The following PLXDC2 variants were observed in gnomAD, a reference collection of about 807,000 sequenced individuals.
PLXDC2 encodes plexin domain-containing protein 2.
In PLXDC2, 40 loss-of-function variants were observed where a neutral mutation model predicts 68.9. That is an observed-to-expected ratio of 0.58 (90% confidence interval 0.45 to 0.76). The LOEUF is 0.76. PLXDC2 is among the 30% of genes least tolerant of loss of function. The pLI, the probability that PLXDC2 is intolerant of heterozygous loss-of-function variation, is 0.00. For synonymous variants in PLXDC2, 243 were observed against 234.2 expected (o/e 1.04, Z -0.34); for missense variants, 644 against 661.9 (o/e 0.97, Z 0.30).
At chr10:20,005,245 G>A (rs1224674201) in intron 2 of PLXDC2, among the ~76,000 whole-genome samples, 1 of 152,178 alleles carries the variant, frequency 6.6e-6, no homozygotes, top group Non-Finnish European at 1.5e-5. Flanking sequence ...GTATCCATAG[G>A]AGGGTAATTG....
At chr10:20,145,747 G>T (rs971910482) in intron 5 of PLXDC2, among the ~76,000 whole-genome samples, 2 of 151,904 alleles carry the variant, frequency 1.3e-5, no homozygotes, top group Admixed American at 1.3e-4. Flanking sequence ...TAGAGATGGG[G>T]TTTCACCGTG....
intron 1 of PLXDC2, among the ~76,000 whole-genome samples, chr10:19,976,125 C>A (rs1435191090): frequency 6.6e-6 from 1 of 152,206 alleles, no homozygotes; most frequent in Non-Finnish European, 1.5e-5. Flanking sequence ...TTTCTCCACA[C>A]AATTTTGAAG....
At chr10:20,249,967 G>C (rs566738207) in intron 13 of PLXDC2, among the ~76,000 whole-genome samples, 2 of 152,158 alleles carry the variant, frequency 1.3e-5, no homozygotes, top group East Asian at 3.9e-4. Flanking sequence ...ATATAATATG[G>C]TGAAATTGAA....
chr10:20,002,070 CT>C lies in PLXDC2; in HGVS notation c.324+85del, dbSNP rs903287995. 2.3e-6 allele frequency: 3 copies of C among 1,317,064 alleles called. No homozygotes were observed. In the African/African-American group the frequency reaches 4.5e-5, roughly 20 times the overall value. 81.6% of individuals were successfully genotyped at this position (1,317,064 alleles called of 1,614,324 possible). On this transcript the variant is annotated intron_variant, in intron 2 of 13. Transcript: ENST00000377252. ...CAACTTTTATATAGACATAAGTTGT[CT>C]CTTCATCTCAATCTAGAAATTTTGG...
intron 2 of PLXDC2, among the ~76,000 whole-genome samples, chr10:20,024,559 AC>A (rs1246028260): frequency 6.6e-6 from 1 of 152,130 alleles, no homozygotes; most frequent in Non-Finnish European, 1.5e-5. Context: ...TCCAAGGATA[AC>A]TTTTGTTCTT....
chr10:20,280,771 C>T lies in PLXDC2; in HGVS notation c.*952C>T, dbSNP rs189732634. 6 of 152,094 alleles carry T rather than the reference C, an allele frequency of 3.9e-5. 1 individual carries two copies. Among genetic ancestry groups the T allele is most frequent in the Admixed American group, 3.9e-4 (6 of 15,272 alleles). The allele number at this position is 152,094 out of a possible 1,614,324, so 9.4% of individuals were successfully genotyped here. On this transcript the variant is annotated 3_prime_UTR_variant, in exon 14 of 14. Coordinates refer to ENST00000377252, the MANE Select transcript of PLXDC2 (RefSeq NM_032812.9). The stretch of plus-strand genomic sequence containing the variant: ...ACATATGATTATTTTTAATTTTATG[C>T]CTTTTCAGTACTAAACACCCATTTC...
intron 9 of PLXDC2, among the ~76,000 whole-genome samples, chr10:20,191,434 A>T: frequency 6.6e-6 from 1 of 151,874 alleles, no homozygotes; most frequent in East Asian, 1.9e-4. Flanking sequence ...TCTTAAAAAT[A>T]CACAGATTTT....
At chr10:20,247,418 AG>A (rs1261852376) in intron 13 of PLXDC2, among the ~76,000 whole-genome samples, 1 of 152,000 alleles carries the variant, frequency 6.6e-6, no homozygotes, top group East Asian at 1.9e-4. Flanking sequence ...TCAAAGCTGC[AG>A]GGAACAGTGA....
intron 1 of PLXDC2, among the ~76,000 whole-genome samples, chr10:19,875,514 T>C (rs890846174): frequency 6.6e-6 from 1 of 152,108 alleles, no homozygotes; most frequent in African/African-American, 2.4e-5. Context: ...TTAACAGTCA[T>C]AGAGGTAGTA....
At chr10:20,193,600 T>G (rs1051582389) in intron 9 of PLXDC2, among the ~76,000 whole-genome samples, 3 of 152,096 alleles carry the variant, frequency 2.0e-5, no homozygotes, top group African/African-American at 2.4e-5. Flanking sequence ...TACATATGCT[T>G]ACATAGCTTT....
In PLXDC2 at chr10:19,817,261, C is replaced by T. The variant is rs772411322; in HGVS notation, c.112+70C>T. ...AGACCTCTCTGGCACTCTCGTGCTC[C>T]CTACCCTCTCCCCCCAACATCACCT... On this transcript the variant is annotated intron_variant, in intron 1 of 13. Coordinates refer to ENST00000377252, the MANE Select transcript of PLXDC2 (RefSeq NM_032812.9). 2.4e-6 allele frequency: 3 copies of T among 1,233,072 alleles called. No homozygotes were observed. In the South Asian group the frequency reaches 3.9e-5, roughly 16 times the overall value. 76.4% of individuals were successfully genotyped at this position (1,233,072 alleles called of 1,614,324 possible). A position where few individuals can be genotyped will look rare whatever the true frequency, so the allele number is the denominator to read the frequency against.
At chr10:20,165,730 A>C (rs927909473) in intron 7 of PLXDC2, among the ~76,000 whole-genome samples, 6 of 152,206 alleles carry the variant, frequency 3.9e-5, no homozygotes, top group Non-Finnish European at 7.3e-5. Context: ...TATTTTCTTT[A>C]AATTACGTTT....
intron 4 of PLXDC2, among the ~76,000 whole-genome samples, chr10:20,100,898 A>AT (rs1164252910): frequency 6.6e-6 from 1 of 151,848 alleles, no homozygotes; most frequent in African/African-American, 2.4e-5. Flanking sequence ...TAAAAAAAAA[A>AT]ATTAACAGCA....
At chr10:20,230,904 A>AT (rs1416466639) in intron 12 of PLXDC2, among the ~76,000 whole-genome samples, 1 of 151,300 alleles carries the variant, frequency 6.6e-6, no homozygotes, top group Admixed American at 6.6e-5. Flanking sequence ...ATGTTGAGTC[A>AT]TAAAAAATAT....
intron 1 of PLXDC2, among the ~76,000 whole-genome samples, chr10:19,982,657 G>GT (rs1834571030): frequency 6.6e-6 from 1 of 152,146 alleles, no homozygotes. Flanking sequence ...ACGACAGTAA[G>GT]TTTTTTTGTT....
intron 3 of PLXDC2, among the ~76,000 whole-genome samples, chr10:20,051,447 C>CTA (rs1200492934): frequency 4.1e-5 from 5 of 120,838 alleles, no homozygotes; most frequent in African/African-American, 1.5e-4. Context: ...TATATATGTG[C>CTA]TATTATGGTT....
At position 20,288,531 on chromosome 10, in the gene PLXDC2, A is replaced by T. The variant is rs1009584971; in HGVS notation, c.*8712A>T. The T allele has an allele frequency of 2.6e-5, 4 of 151,598 alleles. No individual in the cohort carries two copies. The highest frequency in any genetic ancestry group is 5.9e-5 in the Non-Finnish European group (4 of 67,864). The allele number at this position is 151,598 out of a possible 1,614,324, so 9.4% of individuals were successfully genotyped here. Reference sequence around the variant, plus strand: ...AAAAAGAGTGTGACCTCTATTGGAAACCTTTGTTCAAATTCAATAATTCAG... The same window carrying T: ...AAAAAGAGTGTGACCTCTATTGGAATCCTTTGTTCAAATTCAATAATTCAG... On this transcript the variant is annotated 3_prime_UTR_variant, in exon 14 of 14. Transcript: ENST00000377252.
rs188605869 is a variant in PLXDC2 at position 19,974,405 on chromosome 10, C to T, written c.113-27370C>T. Among the ~76,000 whole-genome samples, 3 of 152,222 alleles carry T rather than the reference C, an allele frequency of 2.0e-5. No individual in the cohort carries two copies. In the East Asian group the frequency reaches 5.8e-4, roughly 29 times the overall value. ...AGTCTATGGGCTGAAATGTTGGTGACAAAGCAACATTAACATGGAAATATG... is the reference window on the plus strand; with the variant it reads ...AGTCTATGGGCTGAAATGTTGGTGATAAAGCAACATTAACATGGAAATATG... On this transcript the variant is annotated intron_variant, in intron 1 of 13. Coordinates refer to ENST00000377252, the MANE Select transcript of PLXDC2 (RefSeq NM_032812.9).
intron 1 of PLXDC2, among the ~76,000 whole-genome samples, chr10:19,999,607 A>G (rs1320811550): frequency 1.3e-5 from 2 of 152,112 alleles, no homozygotes; most frequent in Non-Finnish European, 2.9e-5. Flanking sequence ...TTGTGTTTGC[A>G]TAGCTATGTC....
Sources: allele counts gnomAD v4.1 joint callset (sites outside exome capture counted in the v4.1 genomes callset), GRCh38; gene constraint gnomAD v4.1.1; transcripts MANE v1.5; gene names NCBI Gene and HGNC (gene_info 2026-07-23, HGNC 2026-07-21).